DNAJC13: variants seen among roughly 807,000 people sequenced by gnomAD.
DNAJC13 encodes the protein DnaJ heat shock protein family (Hsp40) member C13, also known as dnaJ homolog subfamily C member 13.
DNAJC13 carries 75 observed loss-of-function variants against 290.5 expected under a neutral mutation model. That is an observed-to-expected ratio of 0.26 (90% CI 0.21 to 0.31). DNAJC13 has a LOEUF of 0.31. DNAJC13 is among the 10% of genes least tolerant of loss of function. The pLI is 1.00. For missense variants in DNAJC13, 2,260 were observed against 2,674.5 expected, an observed-to-expected ratio of 0.85 and a Z score of 3.42; for synonymous variants, 862 against 892.0, an observed-to-expected ratio of 0.97 and a Z score of 0.60.
chr3:132,494,671 G>GT (rs1393989594), intron 34 of DNAJC13, among the ~76,000 whole-genome samples: 1 of 152,108 alleles, frequency 6.6e-6, no homozygotes, highest in Non-Finnish European at 1.5e-5. Flanking sequence ...TATCAGTGAA[G>GT]TTTTATAGTA....
rs559761071 is a variant in DNAJC13, at chr3:132,478,994, A to C, written c.2710-233A>C. Among the ~76,000 whole-genome samples the C allele has an allele frequency of 5.3e-5, 8 of 152,326 alleles. No homozygotes were observed. The South Asian group carries it at 1.7e-3, about 32-fold the overall frequency. ...CTCCTTAAAGCTATATATTAATCTG[A>C]TGACTTTAAAATGTCTGCCTTTCTA... On this transcript the variant is annotated intron_variant, in intron 24 of 55. Coordinates refer to ENST00000260818, the MANE Select transcript of DNAJC13 (RefSeq NM_015268.4).
intron 2 of DNAJC13, among the ~76,000 whole-genome samples, chr3:132,436,153 T>A (rs1387750107): frequency 6.6e-6 from 1 of 152,198 alleles, no homozygotes; most frequent in Non-Finnish European, 1.5e-5. Flanking sequence ...GAGAACACTT[T>A]CATCACCTCG....
intron 52 of DNAJC13, 52 bp downstream of exon 52, chr3:132,525,841 C>A: frequency 1.3e-6 from 2 of 1,558,332 alleles, no homozygotes; most frequent in South Asian, 2.4e-5. Context: ...TATCTATGCT[C>A]CCTTCTTGAC....
intron 14 of DNAJC13, 48 bp downstream of exon 14, chr3:132,460,405 T>C: frequency 1.5e-6 from 2 of 1,342,234 alleles, no homozygotes; most frequent in South Asian, 2.5e-5. Context: ...ATACCATTAT[T>C]GAAAGATATT....
chr3:132,512,640 G>A (rs1179309719), intron 44 of DNAJC13, among the ~76,000 whole-genome samples: 5 of 152,132 alleles, frequency 3.3e-5, no homozygotes, highest in Non-Finnish European at 7.4e-5. Context: ...TCATGTCAGA[G>A]TCTCCCAGAA....
rs771572276 is a variant in DNAJC13, at chr3:132,511,067, G to T, written c.5116G>T (p.Val1706Phe). The change falls in exon 44 of 56, where the codon GTT becomes TTT. Residue 1706 changes from valine to phenylalanine, a missense_variant and splice_region_variant. This residue lies in a region of DNAJC13 where 1,494 missense variants were observed against 1,693.7 expected (regional missense o/e 0.88). Transcript: ENST00000260818. Reference protein sequence around the residue: ...YNEVPTFQLEVPKAFAASLLD... With the variant: ...YNEVPTFQLEFPKAFAASLLD... ...TTAAATACTTGTCTGCATTGATTAG[G>T]TTCCAAAAGCATTTGCTGCAAGTCT... The T allele has an allele frequency of 1.9e-6, 3 of 1,613,438 alleles. No individual in the cohort carries two copies. The highest frequency in any genetic ancestry group is 2.5e-6 in the Non-Finnish European group (3 of 1,179,632).
In DNAJC13 at chr3:132,461,040, A is replaced by C; in HGVS notation, c.1558-10A>C. ...TTAAGTCTTTAAGAGAATCTGTTGC[A>C]TTGTTTCAGGATCATGGGACTGGTG... is the stretch of plus-strand genomic sequence containing the variant. On this transcript the variant is annotated splice_polypyrimidine_tract_variant and intron_variant, in intron 14 of 55. Coordinates refer to ENST00000260818, the MANE Select transcript of DNAJC13 (RefSeq NM_015268.4). 6.2e-7 allele frequency: 1 copy of C among 1,612,234 alleles called. No individual in the cohort carries two copies.
intron 4 of DNAJC13, among the ~76,000 whole-genome samples, 184 bp from the exon 5 acceptor site, chr3:132,447,714 T>C (rs970931691): frequency 2.0e-5 from 3 of 152,202 alleles, no homozygotes; most frequent in East Asian, 1.9e-4. Flanking sequence ...ATTGTATGTT[T>C]ATCTTGTTCT....
intron 3 of DNAJC13, 84 bp downstream of exon 3, chr3:132,446,634 A>T: frequency 1.2e-6 from 1 of 833,514 alleles, no homozygotes; most frequent in Admixed American, 2.7e-5. Context: ...CCCTCCCTTA[A>T]ATCAGTACTT....
chr3:132,455,955 A>T (rs1267715675), intron 9 of DNAJC13, among the ~76,000 whole-genome samples: 21 of 152,214 alleles, frequency 1.4e-4, no homozygotes, highest in Admixed American at 1.3e-4. Context: ...ATGACTTGTG[A>T]TTTGTCAATT....
At chr3:132,469,876 C>A (rs1934127334) in intron 20 of DNAJC13, among the ~76,000 whole-genome samples, 1 of 148,408 alleles carries the variant, frequency 6.7e-6, no homozygotes, top group African/African-American at 2.5e-5. Context: ...TAATCTATAC[C>A]ACTTTCTACT....
At chr3:132,475,129 C>T (rs778360721) in intron 22 of DNAJC13, 44 bp downstream of exon 22, 26 of 1,438,830 alleles carry the variant, frequency 1.8e-5, no homozygotes, top group East Asian at 4.9e-5. Context: ...AAAAATAAAG[C>T]ATGTACTATT....
chr3:132,456,580 T>A lies in DNAJC13; in HGVS notation c.1179T>A (p.Asp393Glu), dbSNP rs1559876618. 1 of 1,613,854 alleles carries A rather than the reference T, an allele frequency of 6.2e-7. No individual in the cohort carries two copies. The highest frequency in any genetic ancestry group is 1.7e-5 in the Admixed American group (1 of 60,000). ...YSGVLHAVTQ[D>E]GLFSENKEKL... ...GAGTCCTACATGCAGTAACACAAGATGTAAGCTAAGTTTTATCATAATTGT... is the reference window on the plus strand; with the variant it reads ...GAGTCCTACATGCAGTAACACAAGAAGTAAGCTAAGTTTTATCATAATTGT... Residue 393 changes from aspartate (D) to glutamate (E), a missense_variant and splice_region_variant, in exon 11 of 56, where the codon GAT (aspartate) becomes GAA (glutamate). Transcript: ENST00000260818.
In DNAJC13 at chr3:132,463,231, G is replaced by T. The variant is rs560726567; in HGVS notation, c.1771-465G>T. Among the ~76,000 whole-genome samples the T allele has an allele frequency of 3.9e-5, 6 of 152,328 alleles. No individual in the cohort carries two copies. In the East Asian group the frequency reaches 1.2e-3, roughly 29 times the overall value. On this transcript the variant is annotated intron_variant, in intron 16 of 55. Transcript: ENST00000260818. ...AGAATTAGTATGCCCTTAAGTAGCT[G>T]TAAATATATATAGGCATTGAACTGA... is the stretch of plus-strand genomic sequence containing the variant.
intron 1 of DNAJC13, among the ~76,000 whole-genome samples, chr3:132,433,325 G>A (rs1939289635): frequency 6.6e-6 from 1 of 152,132 alleles, no homozygotes; most frequent in South Asian, 2.1e-4. Context: ...TCATACTCCT[G>A]GGTTTAAGTG....
intron 55 of DNAJC13, among the ~76,000 whole-genome samples, chr3:132,532,533 T>C (rs1176601006): frequency 6.6e-6 from 1 of 152,170 alleles, no homozygotes; most frequent in Non-Finnish European, 1.5e-5. Context: ...ATACCTAGAC[T>C]GTGTTCTCAG....
At chr3:132,537,191 C>T (rs1936619503) in intron 55 of DNAJC13, 1 of 456,168 alleles carries the variant, frequency 2.2e-6, no homozygotes, top group Admixed American at 2.3e-5. Flanking sequence ...GGCAGCAGCC[C>T]CCTTCACCTC....
rs1933603223 is a variant in DNAJC13, at chr3:132,456,512, G to A, written c.1111G>A (p.Ala371Thr). Residue 371 changes from alanine to threonine, a missense_variant, in exon 11 of 56, where the codon GCA (alanine) becomes ACA (threonine). Transcript: ENST00000260818. ...TAATCTCTTTACAGATGGCAACTTT[G>A]CAGATGCTGTATTCAGGTTCAATGC... is the stretch of plus-strand genomic sequence containing the variant. The part of the protein sequence containing the change: ...FLATPPNGNF[A>T]DAVFRFNANI... 3.7e-6 allele frequency: 6 copies of A among 1,613,804 alleles called. No homozygotes were observed. The highest frequency in any genetic ancestry group is 5.1e-6 in the Non-Finnish European group (6 of 1,179,868).
At chr3:132,535,915 G>A (rs746347256) in intron 55 of DNAJC13, among the ~76,000 whole-genome samples, 1 of 152,116 alleles carries the variant, frequency 6.6e-6, no homozygotes, top group Admixed American at 6.5e-5. Context: ...AGAGCATCTC[G>A]GATTTCATTT....
Sources: allele counts gnomAD v4.1 joint callset (sites outside exome capture counted in the v4.1 genomes callset), GRCh38; gene constraint gnomAD v4.1.1; regional missense constraint gnomAD v4.1.1; transcripts MANE v1.5; gene names NCBI Gene and HGNC (gene_info 2026-07-23, HGNC 2026-07-21).